WNT11: variants seen among roughly 807,000 people sequenced by gnomAD.
The protein encoded by WNT11 is Wnt family member 11, also known as protein Wnt-11.
In WNT11, 20 loss-of-function variants were observed where a neutral mutation model predicts 35.6. The observed-to-expected ratio is 0.56, with a 90% CI of 0.40 to 0.82. WNT11 has a LOEUF of 0.82. WNT11 is among the 40% of genes least tolerant of loss of function. The pLI, the probability that WNT11 is intolerant of heterozygous loss-of-function variation, is 0.00. For synonymous variants in WNT11, 200 were observed against 211.9 expected, an observed-to-expected ratio of 0.94 and a Z score of 0.49; for missense variants, 459 against 504.4, an observed-to-expected ratio of 0.91 and a Z score of 0.86.
chr11:76,202,325 T>A (rs757502673), intron 1 of WNT11, among the ~76,000 whole-genome samples: 5 of 152,156 alleles, frequency 3.3e-5, no homozygotes, highest in Non-Finnish European at 7.4e-5. Context: ...AGGGACTCAG[T>A]CTTGCCCTGG....
intron 1 of WNT11, 25 bp from the exon 2 acceptor site, chr11:76,196,743 C>T: frequency 6.4e-7 from 1 of 1,562,032 alleles, no homozygotes; most frequent in South Asian, 1.1e-5. Flanking sequence ...AAGGCCATGA[C>T]CGATGGAAGG....
rs923795115 is a variant in WNT11 at position 76,186,500 on chromosome 11, A to G, written c.*565T>C. 3 of 149,226 alleles carry G rather than the reference A, an allele frequency of 2.0e-5. No individual in the cohort carries two copies. The highest frequency in any genetic ancestry group is 4.9e-5 in the African/African-American group (2 of 40,908). 9.2% of individuals were successfully genotyped at this position (149,226 alleles called of 1,614,324 possible). On this transcript the variant is annotated 3_prime_UTR_variant, in exon 5 of 5. Coordinates refer to ENST00000322563, the MANE Select transcript of WNT11 (RefSeq NM_004626.3). Reference sequence around the variant, plus strand: ...TATATATACATATATATTTATATATATAAAATATATAAAGAGGAATTGAGA... The same window carrying G: ...TATATATACATATATATTTATATATGTAAAATATATAAAGAGGAATTGAGA...
At chr11:76,210,564 A>G, upstream of WNT11, 1 of 985,060 alleles carries the variant, frequency 1.0e-6, no homozygotes, top group Non-Finnish European at 1.2e-6. Flanking sequence ...GCCCGTGCGC[A>G]CTCCGGCTGG....
intron 1 of WNT11, among the ~76,000 whole-genome samples, chr11:76,201,880 C>T (rs1406854324): frequency 1.3e-5 from 2 of 152,182 alleles, no homozygotes; most frequent in Non-Finnish European, 2.9e-5. Flanking sequence ...ACCCTCAGGC[C>T]GCTCTAGGGG....
In WNT11 at chr11:76,187,115, C is replaced by T. The variant is rs759762868; in HGVS notation, c.1015G>A (p.Val339Ile). The change falls in exon 5 of 5, where the codon GTC (valine) becomes ATC (isoleucine). Residue 339 changes from valine (V) to isoleucine (I), a missense_variant. Val to Ile is a conservative substitution (Grantham distance 29, BLOSUM62 3). Coordinates refer to ENST00000322563, the MANE Select transcript of WNT11 (RefSeq NM_004626.3). ...GTACGCTCACACCTGCGGCAGGTGA[C>T]GTAGCAGCACCAGTGGTACTTACAG... ...CHCKYHWCCYVTCRRCERTVE... is the reference protein window; with the variant it reads ...CHCKYHWCCYITCRRCERTVE... The T allele has an allele frequency of 5.6e-6, 9 of 1,612,222 alleles. No individual in the cohort carries two copies. The highest frequency in any genetic ancestry group is 1.1e-5 in the South Asian group (1 of 91,094).
chr11:76,206,819 C>T (rs891323814), upstream of WNT11: 2 of 157,912 alleles, frequency 1.3e-5, no homozygotes, highest in African/African-American at 4.8e-5. Context: ...GAAGGACGCT[C>T]AGAGGACAAG....
intron 1 of WNT11, among the ~76,000 whole-genome samples, chr11:76,203,899 A>G (rs1034924023): frequency 6.6e-6 from 1 of 152,150 alleles, no homozygotes; most frequent in African/African-American, 2.4e-5. Context: ...CCAACAGTCC[A>G]CAGAGCTAGG....
rs1184147163 is a variant in WNT11 at position 76,194,084 on chromosome 11, G to A, written c.597+483C>T. 6.6e-6 allele frequency among the ~76,000 whole-genome samples: 1 copy of A among 151,854 alleles called. No homozygotes were observed. The highest frequency in any genetic ancestry group is 1.5e-5 in the Non-Finnish European group (1 of 68,006). On this transcript the variant is annotated intron_variant, in intron 3 of 4. Coordinates refer to ENST00000322563, the MANE Select transcript of WNT11 (RefSeq NM_004626.3). This position sits in a 1 kb window ranked among gnomAD's most constrained non-coding sequence, Gnocchi z 5.4. The stretch of plus-strand genomic sequence containing the variant: ...GCAGCTTCGGTTGGTGTGGGTGGGA[G>A]TCCCCGTTAAATCCAAGCAGATGAC...
At chr11:76,197,884 A>T (rs1953313793) in intron 1 of WNT11, among the ~76,000 whole-genome samples, 1 of 151,942 alleles carries the variant, frequency 6.6e-6, no homozygotes, top group Non-Finnish European at 1.5e-5. Flanking sequence ...CTCCACATGG[A>T]CTCACTCTCA....
chr11:76,210,061 CA>C (rs955321543), upstream of WNT11, among the ~76,000 whole-genome samples: 177 of 151,824 alleles, frequency 1.2e-3, 1 homozygote, highest in Non-Finnish European at 2.3e-3. Flanking sequence ...CCGCCCACCA[CA>C]CACACCCTCT....
chr11:76,208,166 G>A (rs555816314), upstream of WNT11, among the ~76,000 whole-genome samples: 41 of 152,358 alleles, frequency 2.7e-4, no homozygotes, highest in Middle Eastern at 3.4e-3. Context: ...AGCCTGCGGG[G>A]CTCAGCGCCC....
chr11:76,189,920 C>A (rs1377075636), intron 4 of WNT11, among the ~76,000 whole-genome samples: 1 of 152,204 alleles, frequency 6.6e-6, no homozygotes. Flanking sequence ...TAGGGAAGGA[C>A]CGGGAGCCGC....
chr11:76,204,897 C>T (rs1189860582), intron 1 of WNT11, among the ~76,000 whole-genome samples: 1 of 152,194 alleles, frequency 6.6e-6, no homozygotes, highest in Admixed American at 6.5e-5. Flanking sequence ...GACGCTCCTT[C>T]AGCCAATCCT....
intron 1 of WNT11, among the ~76,000 whole-genome samples, chr11:76,201,990 G>T (rs1333226832): frequency 2.6e-5 from 4 of 152,150 alleles, no homozygotes; most frequent in Non-Finnish European, 4.4e-5. Flanking sequence ...GTCACATGAT[G>T]AATTCTAGGC....
chr11:76,196,584 G>T lies in WNT11; in HGVS notation c.218C>A (p.Ala73Asp). Residue 73 changes from alanine (A) to aspartate (D), a missense_variant, in exon 2 of 5, where the codon GCC becomes GAC. Ala to Asp is a moderately radical substitution (Grantham distance 126). Transcript: ENST00000322563. ...GCGACAGGCCTTCATGACCTCGCGG[G>T]CGGCGTGCACCACCGTGTGCATGAG... ...LELMHTVVHA[A>D]REVMKACRRA... The T allele has an allele frequency of 6.2e-7, 1 of 1,613,654 alleles. No individual in the cohort carries two copies. The highest frequency in any genetic ancestry group is 8.5e-7 in the Non-Finnish European group (1 of 1,180,050).
Position 76,187,018 on chromosome 11 carries a change from G to A in WNT11, c.*47C>T, listed in dbSNP as rs1953105618. 3 of 1,602,414 alleles carry A rather than the reference G, an allele frequency of 1.9e-6. No individual in the cohort carries two copies. The East Asian group carries it at 6.7e-5, about 36-fold the overall frequency. ...AGGCCCCTGGCCCCAGTTGCTGAGG[G>A]TCCTTGAGCAGAGTCCTCGCTCCTG... On this transcript the variant is annotated 3_prime_UTR_variant, in exon 5 of 5. Coordinates refer to ENST00000322563, the MANE Select transcript of WNT11 (RefSeq NM_004626.3).
At chr11:76,209,454 C>T (rs571575739), upstream of WNT11, among the ~76,000 whole-genome samples, 5 of 152,254 alleles carry the variant, frequency 3.3e-5, no homozygotes, top group South Asian at 8.3e-4. Flanking sequence ...CACCGTGCAC[C>T]GGGGCCGATT....
At chr11:76,205,620 C>T (rs950379741) in intron 1 of WNT11, among the ~76,000 whole-genome samples, 5 of 152,196 alleles carry the variant, frequency 3.3e-5, no homozygotes, top group Non-Finnish European at 7.3e-5. Context: ...GAGCGCAGCT[C>T]CTCCGGGAAG....
Position 76,194,656 on chromosome 11 carries a change from T to C in WNT11, c.508A>G (p.Lys170Glu), listed in dbSNP as rs1192384435. 1.9e-6 allele frequency: 3 copies of C among 1,550,768 alleles called. No individual in the cohort carries two copies. Among genetic ancestry groups the C allele is most frequent in the Non-Finnish European group, 2.6e-6 (3 of 1,146,950 alleles). ...ACCTTCATAGGAGCATCGGAAAACTTGGCCCCCATGAGGAGCCCGTAGCTG... is the reference window on the plus strand; with the variant it reads ...ACCTTCATAGGAGCATCGGAAAACTCGGCCCCCATGAGGAGCCCGTAGCTG... ...NLSYGLLMGA[K>E]FSDAPMKVKK... The change falls in exon 3 of 5, where the codon AAG (lysine) becomes GAG (glutamate). Residue 170 changes from lysine to glutamate, a missense_variant. Physicochemically the swap from Lys to Glu is moderately conservative, Grantham distance 56 (BLOSUM62 1). Transcript: ENST00000322563. This position sits in a 1 kb window ranked among gnomAD's most constrained non-coding sequence, Gnocchi z 5.4.
Sources: allele counts gnomAD v4.1 joint callset (sites outside exome capture counted in the v4.1 genomes callset), GRCh38; gene constraint gnomAD v4.1.1; non-coding constraint Gnocchi (gnomAD v3.1); transcripts MANE v1.5; gene names NCBI Gene and HGNC (gene_info 2026-07-23, HGNC 2026-07-21).